PTPRN2: variants seen among roughly 807,000 people sequenced by gnomAD.
The protein encoded by PTPRN2 is receptor-type tyrosine-protein phosphatase N2.
In PTPRN2, 74 loss-of-function variants were observed where a neutral mutation model predicts 118.8. The observed-to-expected ratio is 0.62, with a 90% CI of 0.52 to 0.76. PTPRN2 has a LOEUF of 0.76. PTPRN2 is among the 30% of genes least tolerant of loss of function. The probability of loss-of-function intolerance (pLI) is 0.00; values close to 1 mark genes in which losing one functional copy is unlikely to be tolerated. For synonymous variants in PTPRN2, 641 were observed against 608.0 expected, an observed-to-expected ratio of 1.05 and a Z score of -0.80; for missense variants, 1,481 against 1,394.4, an observed-to-expected ratio of 1.06 and a Z score of -0.99.
chr7:157,787,037 CGCGGGGGTGGCTGCCCGGG>C lies in PTPRN2; in HGVS notation c.1789-104119_1789-104101del, dbSNP rs1804088318. 7.0e-6 allele frequency among the ~76,000 whole-genome samples: 1 copy of C among 143,608 alleles called. No individual in the cohort carries two copies. The highest frequency in any genetic ancestry group is 1.5e-5 in the Non-Finnish European group (1 of 65,542). 94.2% of individuals were successfully genotyped at this position (143,608 alleles called of 152,430 possible). ...AGGCGGACACAGGTGCGGCGGGGGACGCGGGGGTGGCTGCCCGGGAGGCGGACGCGGGTGCGGCGGGGGA... is the reference window on the plus strand; with the variant it reads ...AGGCGGACACAGGTGCGGCGGGGGACAGGCGGACGCGGGTGCGGCGGGGGA... On this transcript the variant is annotated intron_variant, in intron 12 of 22. Coordinates refer to ENST00000389418, the MANE Select transcript of PTPRN2 (RefSeq NM_002847.5). The surrounding 1 kb of genome is among the most constrained non-coding windows in gnomAD (Gnocchi z 5.3).
intron 1 of PTPRN2, among the ~76,000 whole-genome samples, chr7:158,489,990 T>C (rs1226491836): frequency 1.3e-5 from 2 of 152,178 alleles, no homozygotes. Flanking sequence ...CCTCCTGGCC[T>C]AGTCCCGGAG....
rs1375295370 is a variant in PTPRN2 at position 158,524,356 on chromosome 7, T to C, written c.113-34571A>G. 1.5e-4 allele frequency among the ~76,000 whole-genome samples: 11 copies of C among 72,224 alleles called. 1 individual carries two copies. Among genetic ancestry groups the C allele is most frequent in the African/African-American group, 4.8e-4 (9 of 18,814 alleles). 47.4% of individuals were successfully genotyped at this position (72,224 alleles called of 152,430 possible). On this transcript the variant is annotated intron_variant, in intron 1 of 22. Coordinates refer to ENST00000389418, the MANE Select transcript of PTPRN2 (RefSeq NM_002847.5). ...TGGAGTGGAGTCGTCTACCCTGGAG[T>C]GGAGTCATCTGCCCTGGAGTGGAGT...
intron 3 of PTPRN2, among the ~76,000 whole-genome samples, chr7:158,267,092 A>G (rs1797936866): frequency 6.6e-6 from 1 of 152,258 alleles, no homozygotes. Flanking sequence ...CACCCGCGGC[A>G]GGTCCCGCCT....
At chr7:158,298,821 C>T (rs1444671062) in intron 3 of PTPRN2, among the ~76,000 whole-genome samples, 2 of 152,162 alleles carry the variant, frequency 1.3e-5, no homozygotes, top group Non-Finnish European at 2.9e-5. Context: ...CAAGGACCTC[C>T]CACCTTCAAA....
chr7:158,498,247 G>A (rs2129446152), intron 1 of PTPRN2, among the ~76,000 whole-genome samples: 1 of 152,356 alleles, frequency 6.6e-6, no homozygotes, highest in African/African-American at 2.4e-5. Context: ...AGGGCAGCGA[G>A]CTGGGTACCA....
chr7:158,104,436 G>C (rs932692224), intron 10 of PTPRN2, among the ~76,000 whole-genome samples: 2 of 152,154 alleles, frequency 1.3e-5, no homozygotes, highest in Non-Finnish European at 2.9e-5. Context: ...TGAGGAAATA[G>C]TAAGACACCA....
chr7:158,479,193 G>T (rs1463201443), intron 2 of PTPRN2, among the ~76,000 whole-genome samples: 1 of 151,952 alleles, frequency 6.6e-6, no homozygotes, highest in Non-Finnish European at 1.5e-5. Flanking sequence ...TCACCCTAAG[G>T]CTGTGAATGG....
Position 158,570,699 on chromosome 7 carries a change from C to T in PTPRN2, c.112+16859G>A, listed in dbSNP as rs1445757274. 1.3e-5 allele frequency among the ~76,000 whole-genome samples: 2 copies of T among 152,230 alleles called. No individual in the cohort carries two copies. Among genetic ancestry groups the T allele is most frequent in the Non-Finnish European group, 2.9e-5 (2 of 68,042 alleles). On this transcript the variant is annotated intron_variant, in intron 1 of 22. Transcript: ENST00000389418. This position sits in a 1 kb window ranked among gnomAD's most constrained non-coding sequence, Gnocchi z 4.5. The stretch of plus-strand genomic sequence containing the variant: ...TACCGGCTCAGCACGCGGCTGGGTA[C>T]GGTTTGCAACGCCGAGAGCCCGCGG...
intron 11 of PTPRN2, among the ~76,000 whole-genome samples, chr7:158,058,245 C>A (rs34149262): frequency 6.4e-4 from 89 of 139,028 alleles, no homozygotes; most frequent in Non-Finnish European, 9.8e-4. Flanking sequence ...CTCCATCTGC[C>A]CACGGTGACA....
chr7:157,701,679 G>C (rs1434993157), intron 12 of PTPRN2, among the ~76,000 whole-genome samples: 1 of 152,220 alleles, frequency 6.6e-6, no homozygotes, highest in African/African-American at 2.4e-5. Context: ...CACTCACAAA[G>C]CACTGCGGTT....
intron 12 of PTPRN2, among the ~76,000 whole-genome samples, chr7:157,775,618 C>T (rs1208181005): frequency 6.6e-6 from 1 of 152,174 alleles, no homozygotes; most frequent in Non-Finnish European, 1.5e-5. Context: ...AGGGAGTCGC[C>T]CAGGACAGCA....
At position 158,133,665 on chromosome 7, in the gene PTPRN2, G is replaced by T; in HGVS notation, c.1556+12C>A. ...CTCGGCACACAGGAGCTTAGCCAGG[G>T]CTGCTACTCACTCTCTGTCTGTCAC... On this transcript the variant is annotated intron_variant, in intron 9 of 22. Coordinates refer to ENST00000389418, the MANE Select transcript of PTPRN2 (RefSeq NM_002847.5). The T allele has an allele frequency of 6.4e-7, 1 of 1,554,632 alleles. No homozygotes were observed. Among genetic ancestry groups the T allele is most frequent in the Non-Finnish European group, 8.7e-7 (1 of 1,152,674 alleles).
intron 12 of PTPRN2, among the ~76,000 whole-genome samples, chr7:157,781,666 A>G (rs984370202): frequency 2.0e-5 from 3 of 152,232 alleles, no homozygotes; most frequent in Non-Finnish European, 4.4e-5. Context: ...ACTGAGGACA[A>G]GCTGACCCAG....
intron 12 of PTPRN2, among the ~76,000 whole-genome samples, chr7:157,833,896 G>A (rs117096344): frequency 0.024 from 3,731 of 152,322 alleles, 73 homozygotes; most frequent in South Asian, 0.037. Context: ...GGCAGCTGGC[G>A]CTGTTGGTCT....
At chr7:157,630,757 AAAG>A (rs752542680) in intron 14 of PTPRN2, among the ~76,000 whole-genome samples, 1 of 152,220 alleles carries the variant, frequency 6.6e-6, no homozygotes, top group Non-Finnish European at 1.5e-5. Context: ...ACAAAGCCAA[AAAG>A]AAGTAGAAAT....
At chr7:157,859,708 GC>G (rs1359294096) in intron 12 of PTPRN2, among the ~76,000 whole-genome samples, 1 of 40,172 alleles carries the variant, frequency 2.5e-5, no homozygotes, top group Non-Finnish European at 4.2e-5. Context: ...TGCAGGGAGA[GC>G]CCCGTCACCA....
At chr7:157,928,491 AACTGGCTCCCCCAGGTCC>A (rs1799158138) in intron 11 of PTPRN2, among the ~76,000 whole-genome samples, 1 of 152,080 alleles carries the variant, frequency 6.6e-6, no homozygotes, top group Non-Finnish European at 1.5e-5. Flanking sequence ...GGAAAGCCTC[AACTGGCTCCCCCAGGTCC>A]ACTGTACCCA....
chr7:157,963,391 C>T (rs1011924175), intron 11 of PTPRN2, among the ~76,000 whole-genome samples: 3 of 152,214 alleles, frequency 2.0e-5, no homozygotes, highest in Non-Finnish European at 2.9e-5. Context: ...TTGAAAGCAG[C>T]CCTGAGTCCC....
intron 3 of PTPRN2, among the ~76,000 whole-genome samples, chr7:158,245,193 GT>G (rs1796151270): frequency 1.0e-5 from 1 of 100,138 alleles, no homozygotes. Context: ...GGAATCCGTG[GT>G]CATGCTGGAA....
Sources: allele counts gnomAD v4.1 joint callset (sites outside exome capture counted in the v4.1 genomes callset), GRCh38; gene constraint gnomAD v4.1.1; non-coding constraint Gnocchi (gnomAD v3.1); transcripts MANE v1.5; gene names NCBI Gene and HGNC (gene_info 2026-07-23, HGNC 2026-07-21).